The following CLIP1 variants were observed in gnomAD, a reference collection of about 807,000 sequenced individuals.
The protein encoded by CLIP1 is CAP-Gly domain containing linker protein 1, also known as CAP-Gly domain-containing linker protein 1.
Under a neutral mutation model 161.6 loss-of-function variants are expected in CLIP1, and 66 were observed. That is an observed-to-expected ratio of 0.41 (90% CI 0.33 to 0.50). CLIP1 has a LOEUF of 0.50. Ranked by LOEUF, CLIP1 falls within the 20% of genes least tolerant of loss-of-function variation. The pLI, the probability that CLIP1 is intolerant of heterozygous loss-of-function variation, is 0.27. For synonymous variants in CLIP1, 598 were observed against 626.2 expected, an observed-to-expected ratio of 0.96 and a Z score of 0.67; for missense variants, 1,376 against 1,702.0, an observed-to-expected ratio of 0.81 and a Z score of 3.37.
At chr12:122,372,603 C>A (rs865916998) in intron 3 of CLIP1, among the ~76,000 whole-genome samples, 41 of 148,910 alleles carry the variant, frequency 2.8e-4, no homozygotes, top group South Asian at 4.3e-4. Context: ...AAAAAAAAAA[C>A]AAAACTAAAA....
intron 1 of CLIP1, among the ~76,000 whole-genome samples, chr12:122,397,467 G>A (rs751513268): frequency 6.8e-5 from 10 of 146,036 alleles, no homozygotes; most frequent in Admixed American, 1.4e-4. Context: ...GGGCATAGTG[G>A]TGCACGCCTG....
In CLIP1 at chr12:122,361,025, G is replaced by A. The variant is rs144697271; in HGVS notation, c.939C>T (p.Ala313=). The stretch of plus-strand genomic sequence containing the variant: ...CTGAGCTCATGGAGCTGAGGGAAGA[G>A]GCAGAAGGGCTGCGCTTCAGGCTGG... The part of the protein sequence containing the change: ...TSASLKRSPS[A]SSLSSMSSVA... The change falls in exon 5 of 26, where the codon GCC becomes GCT. Residue 313 remains alanine (A), a synonymous_variant. Coordinates refer to ENST00000620786, the MANE Select transcript of CLIP1 (RefSeq NM_001247997.2). 1.1e-5 allele frequency: 17 copies of A among 1,614,104 alleles called. No homozygotes were observed. The highest frequency in any genetic ancestry group is 1.4e-5 in the Non-Finnish European group (17 of 1,180,052).
Position 122,355,013 on chromosome 12 carries a change from C to G in CLIP1, c.1203+102G>C. The G allele has an allele frequency of 1.0e-6, 1 of 1,001,024 alleles. No homozygotes were observed. 62.0% of individuals were successfully genotyped at this position (1,001,024 alleles called of 1,614,324 possible). ...AAGAAATGTACACCCATTTCTTGTGCTCTCAAGTCTAGCTCCTCGGTGCCA... is the reference window on the plus strand; with the variant it reads ...AAGAAATGTACACCCATTTCTTGTGGTCTCAAGTCTAGCTCCTCGGTGCCA... On this transcript the variant is annotated intron_variant, in intron 6 of 25. Coordinates refer to ENST00000620786, the MANE Select transcript of CLIP1 (RefSeq NM_001247997.2). This position sits in a 1 kb window ranked among gnomAD's most constrained non-coding sequence, Gnocchi z 4.1.
intron 3 of CLIP1, among the ~76,000 whole-genome samples, chr12:122,376,012 C>A (rs1954708816): frequency 1.3e-5 from 2 of 152,092 alleles, no homozygotes; most frequent in South Asian, 4.1e-4. Flanking sequence ...GATCTTGGCT[C>A]ACTGCAACCT....
rs1410826510 is a variant in CLIP1 at position 122,279,851 on chromosome 12, C to T, written c.3648-706G>A. Reference sequence around the variant, plus strand: ...GGTGCAGAATGAAAGCATGGGGAGCCTGGAAGGAGAAATTCAGAGCGCCTG... The same window carrying T: ...GGTGCAGAATGAAAGCATGGGGAGCTTGGAAGGAGAAATTCAGAGCGCCTG... On this transcript the variant is annotated intron_variant, in intron 21 of 25. Coordinates refer to ENST00000620786, the MANE Select transcript of CLIP1 (RefSeq NM_001247997.2). This position sits in a 1 kb window ranked among gnomAD's most constrained non-coding sequence, Gnocchi z 4.5. 2 of 152,074 alleles carry T rather than the reference C, an allele frequency of 1.3e-5. No individual in the cohort carries two copies. Among genetic ancestry groups the T allele is most frequent in the Admixed American group, 1.3e-4 (2 of 15,264 alleles). The allele number at this position is 152,074 out of a possible 1,614,324, so 9.4% of individuals were successfully genotyped here.
Position 122,279,112 on chromosome 12 carries a change from C to T in CLIP1, c.3681G>A (p.Glu1227=). The T allele has an allele frequency of 6.2e-7, 1 of 1,612,636 alleles. No homozygotes were observed. Among genetic ancestry groups the T allele is most frequent in the Non-Finnish European group, 8.5e-7 (1 of 1,179,638 alleles). Reference sequence around the variant, plus strand: ...TGATGGATTTCTGCAAGGAAGCTTTCTCTTCATCTGCGTCTTTTATGAACT... The same window carrying T: ...TGATGGATTTCTGCAAGGAAGCTTTTTCTTCATCTGCGTCTTTTATGAACT... The part of the protein sequence containing the change: ...ESKFIKDADE[E]KASLQKSISI... Residue 1227 remains glutamate, a synonymous_variant, in exon 22 of 26, where the codon GAG becomes GAA. Transcript: ENST00000620786. This position sits in a 1 kb window ranked among gnomAD's most constrained non-coding sequence, Gnocchi z 4.5.
intron 23 of CLIP1, 48 bp downstream of exon 23, chr12:122,278,744 C>G (rs200708673): frequency 7.9e-6 from 12 of 1,514,082 alleles, no homozygotes; most frequent in Middle Eastern, 2.5e-4. Flanking sequence ...AAGGGCTCCT[C>G]GGGAGGACGC....
intron 13 of CLIP1, 28 bp downstream of exon 13, chr12:122,334,620 A>T (rs1436696171): frequency 1.3e-6 from 2 of 1,505,120 alleles, no homozygotes; most frequent in Admixed American, 3.8e-5. Context: ...TTTTTAAAGC[A>T]ATCTGCACAC....
chr12:122,406,551 A>C (rs1956334893), intron 1 of CLIP1, among the ~76,000 whole-genome samples: 1 of 152,238 alleles, frequency 6.6e-6, no homozygotes, highest in African/African-American at 2.4e-5. Flanking sequence ...TGTTGATTTG[A>C]GAATATCACA....
At chr12:122,365,685 AAAAAAAAG>A in intron 3 of CLIP1, 4 of 675,616 alleles carry the variant, frequency 5.9e-6, no homozygotes, top group Non-Finnish European at 1.0e-5. Flanking sequence ...TTTAAAAAAA[AAAAAAAAG>A]AAAGAACTGC....
chr12:122,340,344 G>C (rs1952443163), intron 11 of CLIP1, among the ~76,000 whole-genome samples: 1 of 152,146 alleles, frequency 6.6e-6, no homozygotes, highest in Non-Finnish European at 1.5e-5. Flanking sequence ...CTCCCAAAGT[G>C]CTGGGATTAC....
chr12:122,325,048 G>T (rs965616865), intron 17 of CLIP1, among the ~76,000 whole-genome samples: 1 of 139,970 alleles, frequency 7.1e-6, no homozygotes, highest in Non-Finnish European at 1.5e-5. Context: ...TTTCTGCAAT[G>T]ATATAATTTT....
chr12:122,346,530 T>A (rs1320000329), intron 10 of CLIP1, among the ~76,000 whole-genome samples: 1 of 151,936 alleles, frequency 6.6e-6, no homozygotes, highest in Non-Finnish European at 1.5e-5. Context: ...CCAGACAGAG[T>A]CTCACTCTGT....
intron 21 of CLIP1, among the ~76,000 whole-genome samples, chr12:122,287,185 T>A (rs917111367): frequency 6.6e-6 from 1 of 151,634 alleles, no homozygotes; most frequent in African/African-American, 2.4e-5. Flanking sequence ...AAAAAATAAA[T>A]TAAAAAAAGA....
At chr12:122,278,270 T>A (rs930299920) in intron 23 of CLIP1, 67 bp from the exon 24 acceptor site, 3 of 1,412,006 alleles carry the variant, frequency 2.1e-6, no homozygotes, top group Non-Finnish European at 1.9e-6. Flanking sequence ...TTAATCACAA[T>A]CTAAACTGCA....
At chr12:122,326,917 G>C (rs1951731241) in intron 17 of CLIP1, among the ~76,000 whole-genome samples, 1 of 152,100 alleles carries the variant, frequency 6.6e-6, no homozygotes, top group Non-Finnish European at 1.5e-5. Context: ...GGGAGAATAT[G>C]GGCCTCCCAG....
chr12:122,329,616 C>T (rs1951856709), intron 15 of CLIP1, among the ~76,000 whole-genome samples: 4 of 147,490 alleles, frequency 2.7e-5, no homozygotes, highest in African/African-American at 7.6e-5. Flanking sequence ...GGCGACAGAG[C>T]GAGACTCTGT....
intron 20 of CLIP1, among the ~76,000 whole-genome samples, chr12:122,291,252 C>T (rs6488909): frequency 0.22 from 33,788 of 151,524 alleles, 4,901 homozygotes; most frequent in East Asian, 0.62. Flanking sequence ...TGCAGTGGCG[C>T]GATCTTGGCT....
At chr12:122,407,369 T>G (rs115401320) in intron 1 of CLIP1, among the ~76,000 whole-genome samples, 1 of 152,240 alleles carries the variant, frequency 6.6e-6, no homozygotes, top group African/African-American at 2.4e-5. Context: ...TGTTTCTAAA[T>G]TATTATATAC....
Sources: gnomAD v4.1 joint callset for allele counts (sites outside exome capture counted in the v4.1 genomes callset) on GRCh38, gnomAD v4.1.1 for gene constraint, Gnocchi (gnomAD v3.1) non-coding constraint, MANE v1.5 for transcripts, NCBI Gene and HGNC (gene_info 2026-07-23, HGNC 2026-07-21) for gene names.